The following ZNF407 variants were observed in gnomAD, a reference collection of about 807,000 sequenced individuals.
ZNF407 encodes the protein zinc finger protein 407.
ZNF407 carries 17 observed loss-of-function variants against 131.2 expected under a neutral mutation model. That is an observed-to-expected ratio of 0.13 (90% CI 0.09 to 0.19). The LOEUF (loss-of-function observed/expected upper bound fraction) is 0.19. Ranked by LOEUF, ZNF407 falls within the 10% of genes least tolerant of loss-of-function variation. The pLI is 1.00. For synonymous variants in ZNF407, 1,156 were observed against 1,062.0 expected, an observed-to-expected ratio of 1.09 and a Z score of -1.72; for missense variants, 2,681 against 2,830.6, an observed-to-expected ratio of 0.95 and a Z score of 1.20.
rs1968135037 is a variant in ZNF407 at position 74,725,458 on chromosome 18, A to G, written c.4803-55970A>G. Among the ~76,000 whole-genome samples, 4 of 152,162 alleles carry G rather than the reference A, an allele frequency of 2.6e-5. 1 individual carries two copies. In the South Asian group the frequency reaches 6.2e-4, roughly 24 times the overall value. Reference sequence around the variant, plus strand: ...TTTTATGGGAGACGAGACAGAATCTATTTTCATGCAATTATAAAAGTAGTT... The same window carrying G: ...TTTTATGGGAGACGAGACAGAATCTGTTTTCATGCAATTATAAAAGTAGTT... On this transcript the variant is annotated intron_variant, in intron 3 of 8. Coordinates refer to ENST00000299687, the MANE Select transcript of ZNF407 (RefSeq NM_017757.3).
chr18:74,849,481 A>G (rs576313789), intron 4 of ZNF407, among the ~76,000 whole-genome samples: 1 of 152,298 alleles, frequency 6.6e-6, no homozygotes, highest in South Asian at 2.1e-4. Context: ...ACATCTGTAC[A>G]GTTCCACAGA....
intron 3 of ZNF407, among the ~76,000 whole-genome samples, chr18:74,713,705 T>C (rs1240574540): frequency 6.6e-6 from 1 of 152,176 alleles, no homozygotes; most frequent in Non-Finnish European, 1.5e-5. Flanking sequence ...TTGTAATACG[T>C]GTACAAACAG....
chr18:74,829,515 G>A (rs899835292), intron 4 of ZNF407, among the ~76,000 whole-genome samples: 1 of 152,140 alleles, frequency 6.6e-6, no homozygotes, highest in African/African-American at 2.4e-5. Context: ...GCAATGTTCA[G>A]CATTTCTGTA....
At chr18:74,961,482 GCCA>G (rs1390136935) in intron 8 of ZNF407, among the ~76,000 whole-genome samples, 47 of 152,130 alleles carry the variant, frequency 3.1e-4, no homozygotes, top group Non-Finnish European at 3.1e-4. Context: ...ACTTTGGGAG[GCCA>G]AGGCCGGGGG....
chr18:75,007,460 T>C (rs1568298993), intron 8 of ZNF407, among the ~76,000 whole-genome samples: 2 of 152,212 alleles, frequency 1.3e-5, no homozygotes. Context: ...CCTTTTGCGC[T>C]AACAAGTGTG....
intron 3 of ZNF407, among the ~76,000 whole-genome samples, chr18:74,711,239 C>T (rs1227640595): frequency 6.6e-6 from 1 of 152,194 alleles, no homozygotes; most frequent in Non-Finnish European, 1.5e-5. Flanking sequence ...CCCTCACACT[C>T]CCCAAAGAGT....
At chr18:75,045,435 C>T (rs1309090321) in intron 8 of ZNF407, among the ~76,000 whole-genome samples, 1 of 152,180 alleles carries the variant, frequency 6.6e-6, no homozygotes, top group African/African-American at 2.4e-5. Flanking sequence ...TCCCTGGCCT[C>T]CTGCACGTAG....
At chr18:74,609,961 T>C (rs1323693322) in intron 1 of ZNF407, among the ~76,000 whole-genome samples, 1 of 152,218 alleles carries the variant, frequency 6.6e-6, no homozygotes, top group Non-Finnish European at 1.5e-5. Flanking sequence ...ATATATTATA[T>C]ATGCTTTATA....
chr18:74,807,364 T>C (rs1970125723), intron 4 of ZNF407, among the ~76,000 whole-genome samples: 1 of 152,072 alleles, frequency 6.6e-6, no homozygotes, highest in Admixed American at 6.5e-5. Flanking sequence ...TAAAGAGACA[T>C]GAGCAGGGTC....
intron 8 of ZNF407, among the ~76,000 whole-genome samples, chr18:74,939,550 G>A (rs1246093672): frequency 6.6e-6 from 1 of 152,146 alleles, no homozygotes; most frequent in Non-Finnish European, 1.5e-5. Context: ...ATTACCAAAA[G>A]TATATGCAAA....
At chr18:74,909,549 T>C (rs1971641054) in intron 7 of ZNF407, among the ~76,000 whole-genome samples, 3 of 152,230 alleles carry the variant, frequency 2.0e-5, no homozygotes, top group Admixed American at 2.0e-4. Flanking sequence ...ATTTAGATTG[T>C]GGTTTTTTTT....
chr18:75,044,852 G>A (rs1973414673), intron 8 of ZNF407, among the ~76,000 whole-genome samples: 1 of 152,074 alleles, frequency 6.6e-6, no homozygotes, highest in African/African-American at 2.4e-5. Flanking sequence ...TTAATATTCT[G>A]ACCAACACTG....
intron 4 of ZNF407, among the ~76,000 whole-genome samples, chr18:74,832,195 C>A (rs1434351266): frequency 6.6e-6 from 1 of 152,160 alleles, no homozygotes; most frequent in African/African-American, 2.4e-5. Context: ...CAAGAGGTTA[C>A]GTGCCTTTCA....
chr18:74,629,731 G>A (rs573444942), intron 1 of ZNF407, among the ~76,000 whole-genome samples: 1 of 152,290 alleles, frequency 6.6e-6, no homozygotes, highest in South Asian at 2.1e-4. Flanking sequence ...TTAGCCTTGA[G>A]ACTATAATAC....
At chr18:74,598,428 G>A (rs1307728940) in intron 1 of ZNF407, 1 of 152,312 alleles carries the variant, frequency 6.6e-6, no homozygotes, top group African/African-American at 2.4e-5. Context: ...TCGCGTGCCC[G>A]GGTTGCTCTC....
chr18:74,817,899 A>G (rs928997350), intron 4 of ZNF407, among the ~76,000 whole-genome samples: 3 of 152,212 alleles, frequency 2.0e-5, no homozygotes, highest in African/African-American at 7.2e-5. Flanking sequence ...TTCTAAAGCA[A>G]TCTCAACCTG....
At chr18:74,753,267 C>G (rs1968849912) in intron 3 of ZNF407, among the ~76,000 whole-genome samples, 1 of 150,130 alleles carries the variant, frequency 6.7e-6, no homozygotes, top group Admixed American at 6.6e-5. Context: ...TGCTTATCAG[C>G]TTAAGTTTTC....
intron 8 of ZNF407, among the ~76,000 whole-genome samples, chr18:75,039,027 C>T (rs1973342251): frequency 6.6e-6 from 1 of 152,176 alleles, no homozygotes; most frequent in African/African-American, 2.4e-5. Context: ...TTGTTGTCAG[C>T]TTGTGATGTA....
In ZNF407 at chr18:74,638,009, G is replaced by A. The variant is rs151287269; in HGVS notation, c.4687+2303G>A. On this transcript the variant is annotated intron_variant, in intron 2 of 8. Transcript: ENST00000299687. ...TACATTAGCAGGACTAAAAAACTTC[G>A]TTTTCATTTCTCCCGCATTGGTCTG... is the stretch of plus-strand genomic sequence containing the variant. Among the ~76,000 whole-genome samples, 975 of 152,240 alleles carry A rather than the reference G, an allele frequency of 6.4e-3. 12 individuals carry two copies. Among genetic ancestry groups the A allele is most frequent in the African/African-American group, 0.022 (916 of 41,552 alleles).
Sources: allele counts gnomAD v4.1 joint callset (sites outside exome capture counted in the v4.1 genomes callset), GRCh38; gene constraint gnomAD v4.1.1; transcripts MANE v1.5; gene names NCBI Gene and HGNC (gene_info 2026-07-23, HGNC 2026-07-21).